The following TRPM3 variants were observed in gnomAD, a reference collection of about 807,000 sequenced individuals.
TRPM3 encodes the protein long transient receptor potential channel 3.
A neutral mutation model predicts 181.2 loss-of-function variants in TRPM3; 77 were observed. The observed-to-expected ratio is 0.42, with a 90% confidence interval of 0.35 to 0.51. The LOEUF (loss-of-function observed/expected upper bound fraction) is 0.51. Ranked by LOEUF, TRPM3 falls within the 20% of genes least tolerant of loss-of-function variation. The pLI is 0.01. For synonymous variants in TRPM3, 745 were observed against 796.4 expected, an observed-to-expected ratio of 0.94 and a Z score of 1.09; for missense variants, 1,759 against 2,196.7, an observed-to-expected ratio of 0.80 and a Z score of 3.98.
intron 1 of TRPM3, among the ~76,000 whole-genome samples, chr9:71,227,543 A>G (rs1178939321): frequency 6.6e-6 from 1 of 152,122 alleles, no homozygotes; most frequent in Non-Finnish European, 1.5e-5. Context: ...GCGATGGAAC[A>G]AAAACTGGAT....
rs768035145 is a variant in TRPM3 at position 70,846,359 on chromosome 9, C to T, written c.676+19G>A. On this transcript the variant is annotated intron_variant, in intron 4 of 25. Transcript: ENST00000677713. Reference sequence around the variant, plus strand: ...TTCCCATGGCCTATGTTGACTTTCTCTGTTCCACTTGCAATTACCTGTGTT... The same window carrying T: ...TTCCCATGGCCTATGTTGACTTTCTTTGTTCCACTTGCAATTACCTGTGTT... 1 of 1,608,418 alleles carries T rather than the reference C, an allele frequency of 6.2e-7. No homozygotes were observed.
At chr9:71,276,940 A>G (rs1223132483) in intron 1 of TRPM3, among the ~76,000 whole-genome samples, 1 of 152,204 alleles carries the variant, frequency 6.6e-6, no homozygotes, top group Non-Finnish European at 1.5e-5. Context: ...TGATATGCCC[A>G]TATCATGTAA....
intron 1 of TRPM3, among the ~76,000 whole-genome samples, chr9:71,221,547 G>A (rs2080241442): frequency 2.0e-5 from 3 of 152,180 alleles, no homozygotes; most frequent in South Asian, 4.2e-4. Flanking sequence ...GAAATCTGGT[G>A]TGTTTTTGGC....
At position 70,549,678 on chromosome 9, in the gene TRPM3, T is replaced by TA; in HGVS notation, c.3575-5_3575-4insT. The TA allele has an allele frequency of 6.4e-7, 1 of 1,566,302 alleles. No individual in the cohort carries two copies. Among genetic ancestry groups the TA allele is most frequent in the Non-Finnish European group, 8.6e-7 (1 of 1,166,680 alleles). Reference sequence around the variant, plus strand: ...TCATCATCGGTTATGAAGAGTTCTGTGGAAAAAAAAAAAAAGGAAGTCTTG... The same window carrying TA: ...TCATCATCGGTTATGAAGAGTTCTGTAGGAAAAAAAAAAAAAGGAAGTCTTG... On this transcript the variant is annotated splice_region_variant and splice_polypyrimidine_tract_variant and intron_variant, in intron 24 of 25. Coordinates refer to ENST00000677713, the MANE Select transcript of TRPM3 (RefSeq NM_001366145.2).
At chr9:70,859,707 CT>C (rs1438262114) in intron 3 of TRPM3, among the ~76,000 whole-genome samples, 1 of 149,686 alleles carries the variant, frequency 6.7e-6, no homozygotes, top group African/African-American at 2.5e-5. Context: ...GTCAAATGCA[CT>C]ACAATTTTCC....
intron 1 of TRPM3, among the ~76,000 whole-genome samples, chr9:70,915,376 C>A (rs950386310): frequency 6.6e-6 from 1 of 152,014 alleles, no homozygotes; most frequent in East Asian, 1.9e-4. Context: ...CGGCTCACTG[C>A]AAGCTTCACC....
intron 21 of TRPM3, among the ~76,000 whole-genome samples, chr9:70,596,079 A>G (rs967153180): frequency 6.6e-6 from 1 of 152,218 alleles, no homozygotes; most frequent in African/African-American, 2.4e-5. Flanking sequence ...ACATAATGAT[A>G]ACAGATATAA....
rs757224445 is a variant in TRPM3, at chr9:70,619,104, C to A, written c.2130-9G>T. The A allele has an allele frequency of 6.2e-7, 1 of 1,610,094 alleles. No individual in the cohort carries two copies. The highest frequency in any genetic ancestry group is 8.5e-7 in the Non-Finnish European group (1 of 1,177,960). ...CCAGCTGGCCAAAGTCTCTGAAAGA[C>A]AGAATGGGTGGAAGAGTCCTTCAGG... On this transcript the variant is annotated splice_polypyrimidine_tract_variant and intron_variant, in intron 16 of 25. Coordinates refer to ENST00000677713, the MANE Select transcript of TRPM3 (RefSeq NM_001366145.2).
At chr9:71,153,381 C>T (rs978992178) in intron 1 of TRPM3, among the ~76,000 whole-genome samples, 2 of 151,444 alleles carry the variant, frequency 1.3e-5, no homozygotes, top group African/African-American at 4.9e-5. Context: ...AACCTAGCCT[C>T]CTGGGTTCAA....
At chr9:71,331,895 GGAAGAA>G (rs1217158958) in intron 1 of TRPM3, among the ~76,000 whole-genome samples, 12 of 134,032 alleles carry the variant, frequency 9.0e-5, no homozygotes, top group Non-Finnish European at 1.6e-4. Flanking sequence ...AAGAAGGGGA[GGAAGAA>G]GAGGAGGAAG....
chr9:71,224,721 T>C (rs536702114), intron 1 of TRPM3, among the ~76,000 whole-genome samples: 112 of 151,764 alleles, frequency 7.4e-4, no homozygotes, highest in South Asian at 1.7e-3. Flanking sequence ...TTAAAAAGAA[T>C]TAAGCAGAAA....
chr9:70,874,169 C>T (rs2095835957), intron 1 of TRPM3, among the ~76,000 whole-genome samples: 2 of 151,854 alleles, frequency 1.3e-5, no homozygotes, highest in African/African-American at 4.8e-5. Context: ...TCAGAATGTT[C>T]ATGTAGCATG....
At position 71,071,807 on chromosome 9, in the gene TRPM3, T is replaced by C. The variant is rs74887770; in HGVS notation, c.177+49371A>G. 9.3e-3 allele frequency among the ~76,000 whole-genome samples: 1,414 copies of C among 152,246 alleles called. 23 individuals are homozygous for C. Among genetic ancestry groups the C allele is most frequent in the African/African-American group, 0.031 (1,268 of 41,542 alleles). On this transcript the variant is annotated intron_variant, in intron 1 of 25. Coordinates refer to ENST00000677713, the MANE Select transcript of TRPM3 (RefSeq NM_001366145.2). ...GAACCTGCAATGTAAGTGGAGATACTAATAACCGCCTGTGACATGAGGATG... is the reference window on the plus strand; with the variant it reads ...GAACCTGCAATGTAAGTGGAGATACCAATAACCGCCTGTGACATGAGGATG...
intron 1 of TRPM3, among the ~76,000 whole-genome samples, chr9:71,135,057 T>C (rs1379726253): frequency 1.3e-5 from 2 of 152,160 alleles, no homozygotes; most frequent in East Asian, 3.8e-4. Context: ...ATCACCAAAA[T>C]ACTCCTTATG....
chr9:71,394,297 C>A (rs1358037602), intron 1 of TRPM3, among the ~76,000 whole-genome samples: 1 of 151,978 alleles, frequency 6.6e-6, no homozygotes, highest in East Asian at 1.9e-4. Context: ...ATTTAAAAAA[C>A]AGGAAACTAA....
At position 71,044,941 on chromosome 9, in the gene TRPM3, G is replaced by A. The variant is rs375990388; in HGVS notation, c.177+76237C>T. ...CCGCCTCGGCCTCCCAAAGTGCTGG[G>A]ATTACAACCATGAACCACAGCGCCC... On this transcript the variant is annotated intron_variant, in intron 1 of 25. Transcript: ENST00000677713. 2.5e-4 allele frequency among the ~76,000 whole-genome samples: 38 copies of A among 152,232 alleles called. 2 individuals carry two copies. In the East Asian group the frequency reaches 6.0e-3, roughly 24 times the overall value.
At chr9:71,359,573 T>C (rs991407302) in intron 1 of TRPM3, among the ~76,000 whole-genome samples, 67 of 152,166 alleles carry the variant, frequency 4.4e-4, no homozygotes, top group Admixed American at 3.9e-3. Flanking sequence ...GTTTAATTGC[T>C]AGCAACAAAT....
At chr9:70,869,048 T>G in intron 1 of TRPM3, 1 of 985,244 alleles carries the variant, frequency 1.0e-6, no homozygotes, top group Non-Finnish European at 1.2e-6. Flanking sequence ...TGCTTTCATT[T>G]TGCTGCAGCT....
chr9:71,116,392 A>C (rs1467464883), intron 1 of TRPM3, among the ~76,000 whole-genome samples: 1 of 152,234 alleles, frequency 6.6e-6, no homozygotes, highest in African/African-American at 2.4e-5. Flanking sequence ...TTTAAAACAC[A>C]ATTGAAACAA....
Sources: gnomAD v4.1 joint callset for allele counts (sites outside exome capture counted in the v4.1 genomes callset) on GRCh38, gnomAD v4.1.1 for gene constraint, MANE v1.5 for transcripts, NCBI Gene and HGNC (gene_info 2026-07-23, HGNC 2026-07-21) for gene names.